ITPRIPL2: variants seen among roughly 807,000 people sequenced by gnomAD.
The protein encoded by ITPRIPL2 is inositol 1,4,5-trisphosphate receptor-interacting protein-like 2.
Under a neutral mutation model 31.7 loss-of-function variants are expected in ITPRIPL2, and 29 were observed. The observed-to-expected ratio is 0.91, with a 90% confidence interval of 0.68 to 1.25. The LOEUF is 1.25. Ranked by LOEUF, ITPRIPL2 falls within the 50% of genes most tolerant of loss-of-function variation. The probability of loss-of-function intolerance (pLI) is 0.00; values close to 1 mark genes in which losing one functional copy is unlikely to be tolerated. For synonymous variants in ITPRIPL2, 344 were observed against 343.4 expected (o/e 1.00, Z -0.02); for missense variants, 696 against 739.1 (o/e 0.94, Z 0.68).
In ITPRIPL2 at chr16:19,115,113, T is replaced by G. The variant is rs1437149906; in HGVS notation, c.652T>G (p.Ser218Ala). 5.0e-6 allele frequency: 8 copies of G among 1,601,146 alleles called. No homozygotes were observed. Among genetic ancestry groups the G allele is most frequent in the Non-Finnish European group, 6.8e-6 (8 of 1,179,878 alleles). Reference sequence around the variant, plus strand: ...CGCCCTCAAGGCACCACCCTCACCATCGGGGGCCTCGGGGGGCCACTGGCT... The same window carrying G: ...CGCCCTCAAGGCACCACCCTCACCAGCGGGGGCCTCGGGGGGCCACTGGCT... Reference protein sequence around the residue: ...LCALKAPPSPSGASGGHWLRD... With the variant: ...LCALKAPPSPAGASGGHWLRD... Residue 218 changes from serine to alanine, a missense_variant, in exon 1 of 1, where the codon TCG (serine) becomes GCG (alanine). Coordinates refer to ENST00000381440, the MANE Select transcript of ITPRIPL2 (RefSeq NM_001034841.4).
rs1268249635 is a variant in ITPRIPL2, at chr16:19,115,557, G to A, written c.1096G>A (p.Ala366Thr). ...GCTGCTGAGTTGGCTGCAGGAACGG[G>A]CAGCTCCAGGTGCCTGCTACCTCAA... ...QKLLSWLQER[A>T]APGACYLKCL... Residue 366 changes from alanine (A) to threonine (T), a missense_variant, in exon 1 of 1, where the codon GCA becomes ACA. Ala to Thr is a moderately conservative substitution (Grantham distance 58). Transcript: ENST00000381440. 1.9e-6 allele frequency: 3 copies of A among 1,602,688 alleles called. No individual in the cohort carries two copies. Among genetic ancestry groups the A allele is most frequent in the Admixed American group, 1.7e-5 (1 of 59,830 alleles).
Position 19,116,534 on chromosome 16 carries a change from G to A in ITPRIPL2, c.*465G>A. 1 of 171,072 alleles carries A rather than the reference G, an allele frequency of 5.8e-6. No homozygotes were observed. 10.6% of individuals were successfully genotyped at this position (171,072 alleles called of 1,614,324 possible). ...CTGGGTTCCTGATTGTCTTTAAAAA[G>A]AAAAATCTGAATCTTTATTTGCAAC... On this transcript the variant is annotated 3_prime_UTR_variant, in exon 1 of 1. Transcript: ENST00000381440.
Position 19,119,231 on chromosome 16 carries a change from G to A in ITPRIPL2, c.*3162G>A, listed in dbSNP as rs1963482435. 4.9e-6 allele frequency: 2 copies of A among 409,996 alleles called. No homozygotes were observed. The highest frequency in any genetic ancestry group is 4.1e-5 in the African/African-American group (2 of 48,484). 25.4% of individuals were successfully genotyped at this position (409,996 alleles called of 1,614,324 possible). ...ACCAAGAGAAATCCAAAGACCTGGG[G>A]AAGGAGGACTTAAGATGAAAGTGAA... is the stretch of plus-strand genomic sequence containing the variant. On this transcript the variant is annotated 3_prime_UTR_variant, in exon 1 of 1. Coordinates refer to ENST00000381440, the MANE Select transcript of ITPRIPL2 (RefSeq NM_001034841.4).
At position 19,114,587 on chromosome 16, in the gene ITPRIPL2, C is replaced by A. The variant is rs761352213; in HGVS notation, c.126C>A (p.Asp42Glu). ...GSGGARAEPA[D>E]GVDGGFPLLK... Reference sequence around the variant, plus strand: ...GGGGCGCCCGGGCCGAGCCCGCCGACGGCGTGGATGGCGGCTTCCCGTTGC... The same window carrying A: ...GGGGCGCCCGGGCCGAGCCCGCCGAAGGCGTGGATGGCGGCTTCCCGTTGC... The change falls in exon 1 of 1, where the codon GAC (aspartate) becomes GAA (glutamate). Residue 42 changes from aspartate (D) to glutamate (E), a missense_variant. Transcript: ENST00000381440. The A allele has an allele frequency of 5.1e-6, 8 of 1,574,960 alleles. No homozygotes were observed. Among genetic ancestry groups the A allele is most frequent in the Non-Finnish European group, 6.9e-6 (8 of 1,164,564 alleles).
rs541259036 is a variant in ITPRIPL2 at position 19,115,320 on chromosome 16, C to T, written c.859C>T (p.Pro287Ser). 6 of 1,613,436 alleles carry T rather than the reference C, an allele frequency of 3.7e-6. No homozygotes were observed. The highest frequency in any genetic ancestry group is 4.2e-6 in the Non-Finnish European group (5 of 1,180,040). The change falls in exon 1 of 1, where the codon CCC (proline) becomes TCC (serine). Residue 287 changes from proline to serine, a missense_variant. Pro to Ser is a moderately conservative substitution (Grantham distance 74). Transcript: ENST00000381440. ...GACCCCAGGTGGCCTGGAACAGCCCCCCACCTTACACATCTTGCCCTGCCG... is the reference window on the plus strand; with the variant it reads ...GACCCCAGGTGGCCTGGAACAGCCCTCCACCTTACACATCTTGCCCTGCCG... The part of the protein sequence containing the change: ...TLTPGGLEQP[P>S]TLHILPCRTD...
At position 19,115,970 on chromosome 16, in the gene ITPRIPL2, G is replaced by T; in HGVS notation, c.1509G>T (p.Leu503=). 6.2e-7 allele frequency: 1 copy of T among 1,613,022 alleles called. No homozygotes were observed. The highest frequency in any genetic ancestry group is 8.5e-7 in the Non-Finnish European group (1 of 1,179,830). Residue 503 remains leucine (L), a synonymous_variant, in exon 1 of 1, where the codon CTG becomes CTT. Transcript: ENST00000381440. The part of the protein sequence containing the change: ...AARLLSTWQR[L]PQLLRAYGGP... ...GGTTGCTGTCCACGTGGCAAAGGCT[G>T]CCCCAGCTTCTCCGGGCCTACGGGG...
chr16:19,115,020 G>T lies in ITPRIPL2; in HGVS notation c.559G>T (p.Ala187Ser), dbSNP rs769030900. 7 of 1,598,560 alleles carry T rather than the reference G, an allele frequency of 4.4e-6. No homozygotes were observed. The highest frequency in any genetic ancestry group is 5.9e-6 in the Non-Finnish European group (7 of 1,179,312). ...GCCACTGCGCCTCCCGCCGCTTGTG[G>T]CGCTGGAGCCACGGAGCCTGGGCGA... ...LVPLRLPPLV[A>S]LEPRSLGEEP... The change falls in exon 1 of 1, where the codon GCG becomes TCG. Residue 187 changes from alanine to serine, a missense_variant. Physicochemically the swap from Ala to Ser is moderately conservative, Grantham distance 99. Coordinates refer to ENST00000381440, the MANE Select transcript of ITPRIPL2 (RefSeq NM_001034841.4).
In ITPRIPL2 at chr16:19,119,647, A is replaced by T. The variant is rs1345615027; in HGVS notation, c.*3578A>T. The T allele has an allele frequency of 6.0e-6, 1 of 166,476 alleles. No homozygotes were observed. The highest frequency in any genetic ancestry group is 1.5e-5 in the Non-Finnish European group (1 of 67,988). 10.3% of individuals were successfully genotyped at this position (166,476 alleles called of 1,614,324 possible). ...TATACAGTCATATTTTTTGTTTTGGATATGGTAGTGTTATATATACTTGGG... is the reference window on the plus strand; with the variant it reads ...TATACAGTCATATTTTTTGTTTTGGTTATGGTAGTGTTATATATACTTGGG... On this transcript the variant is annotated 3_prime_UTR_variant, in exon 1 of 1. Transcript: ENST00000381440.
chr16:19,118,745 A>G lies in ITPRIPL2; in HGVS notation c.*2676A>G, dbSNP rs1203310285. ...CATGCTGAGCAATTGTTCTCTGTAC[A>G]TGGTAACCAAAACTTAGAGATTTCG... On this transcript the variant is annotated 3_prime_UTR_variant, in exon 1 of 1. Coordinates refer to ENST00000381440, the MANE Select transcript of ITPRIPL2 (RefSeq NM_001034841.4). 1 of 385,418 alleles carries G rather than the reference A, an allele frequency of 2.6e-6. No individual in the cohort carries two copies. Among genetic ancestry groups the G allele is most frequent in the Non-Finnish European group, 4.8e-6 (1 of 209,572 alleles). The allele number at this position is 385,418 out of a possible 1,614,324, so 23.9% of individuals were successfully genotyped here.
Position 19,114,422 on chromosome 16 carries a change from C to T in ITPRIPL2, c.-40C>T, listed in dbSNP as rs1172559366. 3 of 1,379,200 alleles carry T rather than the reference C, an allele frequency of 2.2e-6. No individual in the cohort carries two copies. The highest frequency in any genetic ancestry group is 1.8e-5 in the South Asian group (1 of 56,842). The allele number at this position is 1,379,200 out of a possible 1,614,324, so 85.4% of individuals were successfully genotyped here. ...GGCTTGGGTCGCCGCCGGGGCTTGC[C>T]CCCTGGGCTGCTCGGCCACCGCCGC... On this transcript the variant is annotated 5_prime_UTR_variant, in exon 1 of 1. Coordinates refer to ENST00000381440, the MANE Select transcript of ITPRIPL2 (RefSeq NM_001034841.4).
rs1963489680 is a variant in ITPRIPL2 at position 19,119,695 on chromosome 16, T to C, written c.*3626T>C. The C allele has an allele frequency of 6.0e-6, 1 of 166,880 alleles. No individual in the cohort carries two copies. The highest frequency in any genetic ancestry group is 2.4e-5 in the African/African-American group (1 of 41,362). The allele number at this position is 166,880 out of a possible 1,614,324, so 10.3% of individuals were successfully genotyped here. On this transcript the variant is annotated 3_prime_UTR_variant, in exon 1 of 1. Coordinates refer to ENST00000381440, the MANE Select transcript of ITPRIPL2 (RefSeq NM_001034841.4). ...GGGGGCGTGATATTTGAAGTCATCT[T>C]TATCTCTCAGAGTTAAGCTTTATTG... is the stretch of plus-strand genomic sequence containing the variant.
rs1361389186 is a variant in ITPRIPL2, at chr16:19,115,307, C to T, written c.846C>T (p.Gly282=). 3 of 1,613,308 alleles carry T rather than the reference C, an allele frequency of 1.9e-6. No individual in the cohort carries two copies. The highest frequency in any genetic ancestry group is 2.5e-6 in the Non-Finnish European group (3 of 1,180,018). The part of the protein sequence containing the change: ...GRCRVTLTPG[G]LEQPPTLHIL... ...GTCGGGTCACCTTGACCCCAGGTGG[C>T]CTGGAACAGCCCCCCACCTTACACA... The change falls in exon 1 of 1, where the codon GGC becomes GGT. Residue 282 remains glycine, a synonymous_variant. Coordinates refer to ENST00000381440, the MANE Select transcript of ITPRIPL2 (RefSeq NM_001034841.4).
At position 19,116,228 on chromosome 16, in the gene ITPRIPL2, CT is replaced by C; in HGVS notation, c.*161del. 3 of 672,338 alleles carry C rather than the reference CT, an allele frequency of 4.5e-6. No individual in the cohort carries two copies. The East Asian group carries it at 8.3e-5, about 19-fold the overall frequency. The allele number at this position is 672,338 out of a possible 1,614,324, so 41.6% of individuals were successfully genotyped here. A position where few individuals can be genotyped will look rare whatever the true frequency, so the allele number is the denominator to read the frequency against. On this transcript the variant is annotated 3_prime_UTR_variant, in exon 1 of 1. Transcript: ENST00000381440. ...TAGTGGCTTAAATATCACCTTCTCG[CT>C]TCACAGTCCAGTATAATATGACATC...
chr16:19,120,031 T>A lies in ITPRIPL2; in HGVS notation c.*3962T>A, dbSNP rs531484207. The A allele has an allele frequency of 1.2e-5, 2 of 167,202 alleles. No homozygotes were observed. Among genetic ancestry groups the A allele is most frequent in the South Asian group, 4.2e-4 (2 of 4,818 alleles). The allele number at this position is 167,202 out of a possible 1,614,324, so 10.4% of individuals were successfully genotyped here. On this transcript the variant is annotated 3_prime_UTR_variant, in exon 1 of 1. Coordinates refer to ENST00000381440, the MANE Select transcript of ITPRIPL2 (RefSeq NM_001034841.4). The stretch of plus-strand genomic sequence containing the variant: ...TACAGGGATGATTGGTGGCTAGATT[T>A]GGGGTGCAAGCTTCTTAGGCTCATA...
In ITPRIPL2 at chr16:19,121,202, A is replaced by G. The variant is rs1287143658; in HGVS notation, c.*5133A>G. The stretch of plus-strand genomic sequence containing the variant: ...ATAGACTAAAATGTGCAGCAAAATG[A>G]TATATACTGTAATCTGGTTTTTGAA... On this transcript the variant is annotated 3_prime_UTR_variant, in exon 1 of 1. Coordinates refer to ENST00000381440, the MANE Select transcript of ITPRIPL2 (RefSeq NM_001034841.4). 6.0e-6 allele frequency: 1 copy of G among 167,002 alleles called. No homozygotes were observed. Among genetic ancestry groups the G allele is most frequent in the Non-Finnish European group, 1.5e-5 (1 of 68,102 alleles). 10.3% of individuals were successfully genotyped at this position (167,002 alleles called of 1,614,324 possible).
In ITPRIPL2 at chr16:19,120,625, A is replaced by ATATATAT. The variant is rs1248708235; in HGVS notation, c.*4557_*4558insATATATT. The stretch of plus-strand genomic sequence containing the variant: ...CTAATATATATATATATATATATAT[A>ATATATAT]TTTTTTTTTTTTTTTTTTAGTAGAG... On this transcript the variant is annotated 3_prime_UTR_variant, in exon 1 of 1. Coordinates refer to ENST00000381440, the MANE Select transcript of ITPRIPL2 (RefSeq NM_001034841.4). 1.1e-5 allele frequency: 1 copy of ATATATAT among 92,190 alleles called. No homozygotes were observed. Among genetic ancestry groups the ATATATAT allele is most frequent in the South Asian group, 3.4e-4 (1 of 2,912 alleles). 5.7% of individuals were successfully genotyped at this position (92,190 alleles called of 1,614,324 possible). A position where few individuals can be genotyped will look rare whatever the true frequency, so the allele number is the denominator to read the frequency against.
rs779380685 is a variant in ITPRIPL2 at position 19,116,024 on chromosome 16, A to T, written c.1563A>T (p.Pro521=). The T allele has an allele frequency of 3.7e-6, 6 of 1,607,850 alleles. No homozygotes were observed. The highest frequency in any genetic ancestry group is 5.1e-6 in the Non-Finnish European group (6 of 1,176,138). ...GGPRYLARCP[P]PRSQRTQGFL... ...CCCGCTACCTTGCCAGGTGCCCCCCACCCCGGAGTCAGCGCACCCAGGGCT... is the reference window on the plus strand; with the variant it reads ...CCCGCTACCTTGCCAGGTGCCCCCCTCCCCGGAGTCAGCGCACCCAGGGCT... The change falls in exon 1 of 1, where the codon CCA becomes CCT. Residue 521 remains proline, a synonymous_variant. Transcript: ENST00000381440.
Position 19,118,895 on chromosome 16 carries a change from T to C in ITPRIPL2, c.*2826T>C. 1 of 412,950 alleles carries C rather than the reference T, an allele frequency of 2.4e-6. No individual in the cohort carries two copies. Among genetic ancestry groups the C allele is most frequent in the Admixed American group, 4.4e-5 (1 of 22,734 alleles). 25.6% of individuals were successfully genotyped at this position (412,950 alleles called of 1,614,324 possible). ...AATTAAGCTCAATTCTGTATTTTAT[T>C]AGGGCTCTGTTATGTCCTTCATCTG... On this transcript the variant is annotated 3_prime_UTR_variant, in exon 1 of 1. Coordinates refer to ENST00000381440, the MANE Select transcript of ITPRIPL2 (RefSeq NM_001034841.4).
rs554454366 is a variant in ITPRIPL2, at chr16:19,114,360, G to C, written c.-102G>C. 29 of 924,016 alleles carry C rather than the reference G, an allele frequency of 3.1e-5. No individual in the cohort carries two copies. The South Asian group carries it at 1.3e-3, about 41-fold the overall frequency. 57.2% of individuals were successfully genotyped at this position (924,016 alleles called of 1,614,324 possible). A position where few individuals can be genotyped will look rare whatever the true frequency, so the allele number is the denominator to read the frequency against. ...GGAAGCCGCCGCGGAGGAGGAGACG[G>C]GGACAGCGGGGCTGCCCGGGCGCTG... On this transcript the variant is annotated 5_prime_UTR_variant, in exon 1 of 1. Coordinates refer to ENST00000381440, the MANE Select transcript of ITPRIPL2 (RefSeq NM_001034841.4).
Sources: gnomAD v4.1 joint callset for allele counts on GRCh38, gnomAD v4.1.1 for gene constraint, MANE v1.5 for transcripts, NCBI Gene and HGNC (gene_info 2026-07-23, HGNC 2026-07-21) for gene names.